Variants in CARMIL1 observed in about 807,000 individuals in gnomAD.
CARMIL1 encodes F-actin-uncapping protein LRRC16A.
CARMIL1 carries 90 observed loss-of-function variants against 177.1 expected under a neutral mutation model. The observed-to-expected ratio is 0.51, with a 90% CI of 0.43 to 0.61. The LOEUF (loss-of-function observed/expected upper bound fraction) is 0.61, where lower values mean the gene tolerates loss of function less well. Ranked by LOEUF, CARMIL1 falls within the 20% of genes least tolerant of loss-of-function variation. The probability of loss-of-function intolerance (pLI) is 0.00; values close to 1 mark genes in which losing one functional copy is unlikely to be tolerated. For missense variants in CARMIL1, 1,380 were observed against 1,667.0 expected, an observed-to-expected ratio of 0.83 and a Z score of 3.00; for synonymous variants, 577 against 606.2, an observed-to-expected ratio of 0.95 and a Z score of 0.71.
chr6:25,510,765 G>A lies in CARMIL1; in HGVS notation c.1632+3G>A. 1 of 1,501,932 alleles carries A rather than the reference G, an allele frequency of 6.7e-7. No homozygotes were observed. Among genetic ancestry groups the A allele is most frequent in the Non-Finnish European group, 9.0e-7 (1 of 1,113,754 alleles). The allele number at this position is 1,501,932 out of a possible 1,614,324, so 93.0% of individuals were successfully genotyped here. A position where few individuals can be genotyped will look rare whatever the true frequency, so the allele number is the denominator to read the frequency against. ...AGATGATTCAAGATGAAGAATCAGT[G>A]AGTATTATGTTAAACTTTTTACTAA... On this transcript the variant is annotated splice_donor_region_variant and intron_variant, in intron 20 of 36. Transcript: ENST00000329474.
At chr6:25,494,748 T>C (rs1435106353) in intron 15 of CARMIL1, among the ~76,000 whole-genome samples, 3 of 152,338 alleles carry the variant, frequency 2.0e-5, no homozygotes, top group Non-Finnish European at 1.5e-5. Flanking sequence ...ATCTCTAACA[T>C]TTTGTGCCAC....
intron 27 of CARMIL1, among the ~76,000 whole-genome samples, chr6:25,552,774 A>G (rs911117822): frequency 6.6e-5 from 10 of 152,146 alleles, no homozygotes; most frequent in Admixed American, 3.9e-4. Context: ...AGAGAAAGAG[A>G]AACTATTGAA....
intron 2 of CARMIL1, among the ~76,000 whole-genome samples, chr6:25,331,355 T>C (rs1186462055): frequency 6.6e-6 from 1 of 152,244 alleles, no homozygotes; most frequent in Non-Finnish European, 1.5e-5. Flanking sequence ...GACGCTCCAC[T>C]GATGCTGCAG....
rs115128032 is a variant in CARMIL1 at position 25,584,213 on chromosome 6, T to C, written c.3006+2774T>C. On this transcript the variant is annotated intron_variant, in intron 31 of 36. Coordinates refer to ENST00000329474, the MANE Select transcript of CARMIL1 (RefSeq NM_017640.6). ...CATGCTTGGCTAATTATTTAAATAT[T>C]TTTTTTTGTAGAGATGGGCTCTTGG... Among the ~76,000 whole-genome samples, 733 of 150,230 alleles carry C rather than the reference T, an allele frequency of 4.9e-3. 5 individuals carry two copies. Among genetic ancestry groups the C allele is most frequent in the African/African-American group, 0.014 (584 of 40,738 alleles).
chr6:25,439,149 A>T lies in CARMIL1; in HGVS notation c.371+3545A>T, dbSNP rs1243867534. On this transcript the variant is annotated intron_variant, in intron 5 of 36. Coordinates refer to ENST00000329474, the MANE Select transcript of CARMIL1 (RefSeq NM_017640.6). ...GGTGACCAATATGACAGCAAGACAG[A>T]GAAGGCCTGGGGTAGGTGGGGGACA... is the stretch of plus-strand genomic sequence containing the variant. Among the ~76,000 whole-genome samples the T allele has an allele frequency of 2.1e-5, 3 of 142,042 alleles. No individual in the cohort carries two copies. In the Admixed American group the frequency reaches 2.2e-4, roughly 10 times the overall value. 93.2% of individuals were successfully genotyped at this position (142,042 alleles called of 152,430 possible).
At chr6:25,596,850 G>GACACACACACAC (rs34651019) in intron 32 of CARMIL1, among the ~76,000 whole-genome samples, 13 of 149,170 alleles carry the variant, frequency 8.7e-5, no homozygotes, top group Admixed American at 1.3e-4. Context: ...CAAACACACA[G>GACACACACACAC]ACACACACAC....
rs1759636123 is a variant in CARMIL1, at chr6:25,620,253, AGT to A, written c.*672_*673del. ...CATCAACGAGCACAGCTAAGAACAG[AGT>A]GAGAGAGGCCCATGGCTGATTTTAC... On this transcript the variant is annotated 3_prime_UTR_variant, in exon 37 of 37. Coordinates refer to ENST00000329474, the MANE Select transcript of CARMIL1 (RefSeq NM_017640.6). 1 of 152,294 alleles carries A rather than the reference AGT, an allele frequency of 6.6e-6. No homozygotes were observed. The allele number at this position is 152,294 out of a possible 1,614,324, so 9.4% of individuals were successfully genotyped here.
rs112407666 is a variant in CARMIL1, at chr6:25,618,551, T to C, written c.3980-896T>C. 9.6e-3 allele frequency among the ~76,000 whole-genome samples: 1,456 copies of C among 152,348 alleles called. 30 individuals are homozygous for C. The highest frequency in any genetic ancestry group is 0.032 in the African/African-American group (1,335 of 41,578). On this transcript the variant is annotated intron_variant, in intron 36 of 36. Coordinates refer to ENST00000329474, the MANE Select transcript of CARMIL1 (RefSeq NM_017640.6). ...CCAAGGTATCATAGCAGTGAAGCCA[T>C]GTTCTAGTTGGAAAGAACATAGGCT...
intron 15 of CARMIL1, 29 bp downstream of exon 15, chr6:25,492,053 A>G (rs1326613752): frequency 3.8e-6 from 6 of 1,588,132 alleles, no homozygotes; most frequent in African/African-American, 2.7e-5. Context: ...TCTCATTGTC[A>G]TCTGGAAGTG....
At chr6:25,350,986 G>A (rs979543234) in intron 2 of CARMIL1, among the ~76,000 whole-genome samples, 3 of 152,172 alleles carry the variant, frequency 2.0e-5, no homozygotes, top group African/African-American at 4.8e-5. Flanking sequence ...TCCCAGAAGT[G>A]TGTAAGCATA....
At chr6:25,362,412 T>C (rs905647903) in intron 2 of CARMIL1, among the ~76,000 whole-genome samples, 2 of 152,216 alleles carry the variant, frequency 1.3e-5, no homozygotes, top group African/African-American at 4.8e-5. Flanking sequence ...TGGTGGCTCA[T>C]GCCTGTAATC....
chr6:25,587,203 CAAAG>C (rs1023080119), intron 31 of CARMIL1, among the ~76,000 whole-genome samples: 8 of 152,242 alleles, frequency 5.3e-5, no homozygotes, highest in African/African-American at 1.9e-4. Context: ...AAAACAAAAA[CAAAG>C]ATTTTTTTTT....
At chr6:25,368,460 T>C (rs1433391689) in intron 2 of CARMIL1, among the ~76,000 whole-genome samples, 1 of 152,172 alleles carries the variant, frequency 6.6e-6, no homozygotes, top group African/African-American at 2.4e-5. Flanking sequence ...TTAGAGCACA[T>C]TGAACAGACA....
intron 9 of CARMIL1, 148 bp downstream of exon 9, chr6:25,466,096 C>T (rs144503707): frequency 0.013 from 7,680 of 604,644 alleles, 69 homozygotes; most frequent in Non-Finnish European, 0.015. Context: ...AAATGATTTG[C>T]GTAACATTTA....
At chr6:25,300,162 T>C in intron 2 of CARMIL1, among the ~76,000 whole-genome samples, 1 of 143,938 alleles carries the variant, frequency 6.9e-6, no homozygotes, top group African/African-American at 2.5e-5. Flanking sequence ...TTTTATGATA[T>C]AGCCATTGTT....
intron 2 of CARMIL1, among the ~76,000 whole-genome samples, chr6:25,353,273 T>G (rs1432743149): frequency 6.6e-6 from 1 of 152,216 alleles, no homozygotes; most frequent in Non-Finnish European, 1.5e-5. Context: ...CTCTTTTGAG[T>G]CTCAACAATC....
intron 2 of CARMIL1, among the ~76,000 whole-genome samples, chr6:25,295,908 C>T (rs957966553): frequency 2.6e-5 from 4 of 152,164 alleles, no homozygotes; most frequent in Non-Finnish European, 5.9e-5. Flanking sequence ...TTGCCCTTGT[C>T]GTGGGACTTT....
chr6:25,487,801 T>G (rs937391807), intron 12 of CARMIL1, among the ~76,000 whole-genome samples: 2 of 152,246 alleles, frequency 1.3e-5, no homozygotes, highest in African/African-American at 4.8e-5. Context: ...CCATACAGGA[T>G]AAGCAGCCTC....
chr6:25,407,747 T>C (rs1415500683), intron 2 of CARMIL1, among the ~76,000 whole-genome samples: 1 of 152,046 alleles, frequency 6.6e-6, no homozygotes, highest in Non-Finnish European at 1.5e-5. Context: ...ATGATTTCAG[T>C]GGAGGTTCAG....
Sources: gnomAD v4.1 joint callset for allele counts (sites outside exome capture counted in the v4.1 genomes callset) on GRCh38, gnomAD v4.1.1 for gene constraint, MANE v1.5 for transcripts, NCBI Gene and HGNC (gene_info 2026-07-23, HGNC 2026-07-21) for gene names.